EXOC6B: variants seen among roughly 807,000 people sequenced by gnomAD.
EXOC6B encodes exocyst complex component 6B.
A neutral mutation model predicts 113.5 loss-of-function variants in EXOC6B; 54 were observed. The observed-to-expected ratio is 0.48, with a 90% CI of 0.38 to 0.60. The LOEUF (loss-of-function observed/expected upper bound fraction) is 0.60. Ranked by LOEUF, EXOC6B falls within the 20% of genes least tolerant of loss-of-function variation. The pLI is 0.00. For missense variants in EXOC6B, 797 were observed against 977.5 expected (o/e 0.82, Z 2.46); for synonymous variants, 357 against 339.0 (o/e 1.05, Z -0.58).
At chr2:72,350,577 C>T (rs544504085) in intron 19 of EXOC6B, among the ~76,000 whole-genome samples, 1 of 152,144 alleles carries the variant, frequency 6.6e-6, no homozygotes, top group Admixed American at 6.5e-5. Context: ...TTCTCTTTTC[C>T]TAAAACAAAC....
Position 72,179,264 on chromosome 2 carries a change from T to G in EXOC6B, c.*71A>C. 2.7e-6 allele frequency: 4 copies of G among 1,471,260 alleles called. No individual in the cohort carries two copies. Among genetic ancestry groups the G allele is most frequent in the Non-Finnish European group, 3.6e-6 (4 of 1,106,562 alleles). 91.1% of individuals were successfully genotyped at this position (1,471,260 alleles called of 1,614,324 possible). On this transcript the variant is annotated 3_prime_UTR_variant, in exon 22 of 22. Transcript: ENST00000272427. ...TGAAGAAGAATGCACAAATGCAGGG[T>G]CAGCTGGGGCTGGACCCCAGACTGA...
intron 20 of EXOC6B, among the ~76,000 whole-genome samples, chr2:72,187,867 T>C (rs1678542144): frequency 6.6e-6 from 1 of 152,176 alleles, no homozygotes; most frequent in Non-Finnish European, 1.5e-5. Context: ...TCTGCTCCCA[T>C]TCATGGCACC....
chr2:72,742,363 A>G (rs1299695324), intron 1 of EXOC6B, among the ~76,000 whole-genome samples: 1 of 152,122 alleles, frequency 6.6e-6, no homozygotes, highest in African/African-American at 2.4e-5. Flanking sequence ...TGAAGTCTCA[A>G]TATGTTGGCC....
chr2:72,512,338 AGG>A (rs1700956398), intron 11 of EXOC6B, among the ~76,000 whole-genome samples: 1 of 11,028 alleles, frequency 9.1e-5, no homozygotes, highest in African/African-American at 2.0e-4. Flanking sequence ...GAAGGAAGGA[AGG>A]AAGGAAGGAA....
intron 20 of EXOC6B, among the ~76,000 whole-genome samples, chr2:72,189,423 C>G (rs756519838): frequency 6.6e-6 from 1 of 152,164 alleles, no homozygotes; most frequent in East Asian, 1.9e-4. Flanking sequence ...TCATTTTTCC[C>G]TCATTGGTGA....
intron 11 of EXOC6B, among the ~76,000 whole-genome samples, chr2:72,506,595 A>G (rs1413383138): frequency 2.6e-5 from 4 of 152,178 alleles, no homozygotes; most frequent in Non-Finnish European, 5.9e-5. Context: ...TGAATATCTT[A>G]TATATAAAAT....
intron 1 of EXOC6B, among the ~76,000 whole-genome samples, chr2:72,763,271 T>C (rs941013138): frequency 6.6e-6 from 1 of 152,094 alleles, no homozygotes; most frequent in African/African-American, 2.4e-5. Flanking sequence ...TATACTTCCA[T>C]TTCCCCCTTC....
At chr2:72,626,885 A>G (rs1488331422) in intron 6 of EXOC6B, among the ~76,000 whole-genome samples, 1 of 152,128 alleles carries the variant, frequency 6.6e-6, no homozygotes, top group Admixed American at 6.6e-5. Context: ...GCTGTGGGCT[A>G]AAGATTGATC....
At chr2:72,416,939 G>A (rs994237293) in intron 18 of EXOC6B, among the ~76,000 whole-genome samples, 1 of 151,914 alleles carries the variant, frequency 6.6e-6, no homozygotes, top group South Asian at 2.1e-4. Flanking sequence ...ATACTCGTTC[G>A]GTACATTGTC....
intron 19 of EXOC6B, among the ~76,000 whole-genome samples, chr2:72,367,481 A>G (rs914724033): frequency 1.3e-5 from 2 of 152,210 alleles, no homozygotes; most frequent in African/African-American, 2.4e-5. Flanking sequence ...TGATTACATC[A>G]TTTGTCTGAT....
intron 18 of EXOC6B, among the ~76,000 whole-genome samples, chr2:72,460,601 G>GA (rs1270188276): frequency 6.6e-6 from 1 of 152,144 alleles, no homozygotes; most frequent in East Asian, 1.9e-4. Context: ...GAAAACACAT[G>GA]AAAAAATGCT....
chr2:72,543,457 C>T (rs1322198887), intron 8 of EXOC6B, among the ~76,000 whole-genome samples: 2 of 149,234 alleles, frequency 1.3e-5, no homozygotes, highest in Admixed American at 1.3e-4. Context: ...GGTAAGCACA[C>T]TTGAGAAGTT....
intron 6 of EXOC6B, among the ~76,000 whole-genome samples, chr2:72,678,527 G>A (rs138091350): frequency 1.3e-5 from 2 of 152,238 alleles, no homozygotes; most frequent in African/African-American, 2.4e-5. Flanking sequence ...CCAACATGGC[G>A]AAACCCCACC....
Position 72,499,972 on chromosome 2 carries a change from A to G in EXOC6B, c.1168T>C (p.Ser390Pro). Residue 390 changes from serine to proline, a missense_variant and splice_region_variant, in exon 12 of 22, where the codon TCT (serine) becomes CCT (proline). Coordinates refer to ENST00000272427, the MANE Select transcript of EXOC6B (RefSeq NM_015189.3). ...ACAAGGTTTGGATCAGAACAGTAAG[A>G]CTAAAGTAAATAAAAGACAAAGGAG... ...KTIAALRTHS[S>P]YCSDPNLVLD... 2 of 1,541,244 alleles carry G rather than the reference A, an allele frequency of 1.3e-6. No homozygotes were observed. The highest frequency in any genetic ancestry group is 4.9e-5 in the East Asian group (2 of 40,934).
At chr2:72,644,146 A>T (rs954246683) in intron 6 of EXOC6B, among the ~76,000 whole-genome samples, 3 of 152,200 alleles carry the variant, frequency 2.0e-5, no homozygotes, top group African/African-American at 7.2e-5. Context: ...ACTACGTGAC[A>T]CATCTACAAA....
chr2:72,811,023 C>T (rs772956011), intron 1 of EXOC6B, among the ~76,000 whole-genome samples: 7 of 151,556 alleles, frequency 4.6e-5, no homozygotes, highest in Non-Finnish European at 7.4e-5. Context: ...TCTGAGCAAC[C>T]TCATATCAAA....
intron 18 of EXOC6B, among the ~76,000 whole-genome samples, chr2:72,425,463 C>T (rs1222013754): frequency 6.6e-6 from 1 of 152,046 alleles, no homozygotes; most frequent in Non-Finnish European, 1.5e-5. Flanking sequence ...TGATGAAATA[C>T]AATAGTATGC....
At chr2:72,654,861 C>A (rs866131021) in intron 6 of EXOC6B, among the ~76,000 whole-genome samples, 5 of 152,306 alleles carry the variant, frequency 3.3e-5, no homozygotes, top group Middle Eastern at 3.4e-3. Flanking sequence ...CTTTATTCTA[C>A]ATGAACTATG....
intron 18 of EXOC6B, among the ~76,000 whole-genome samples, chr2:72,445,360 G>A (rs558528355): frequency 6.6e-6 from 1 of 152,146 alleles, no homozygotes; most frequent in African/African-American, 2.4e-5. Flanking sequence ...CCTGACTTCT[G>A]GGCCATCAAA....
Sources: allele counts gnomAD v4.1 joint callset (sites outside exome capture counted in the v4.1 genomes callset), GRCh38; gene constraint gnomAD v4.1.1; transcripts MANE v1.5; gene names NCBI Gene and HGNC (gene_info 2026-07-23, HGNC 2026-07-21).